MT4: variants seen among roughly 807,000 people sequenced by gnomAD.
The protein encoded by MT4 is metallothionein-4.
Under a neutral mutation model 9.5 loss-of-function variants are expected in MT4, and 11 were observed. That is an observed-to-expected ratio of 1.16 (90% CI 0.73 to 1.92). The LOEUF is 1.92. Ranked by LOEUF, MT4 falls within the 30% of genes most tolerant of loss-of-function variation. MT4 has a pLI of 0.00. For synonymous variants in MT4, 29 were observed against 24.6 expected, an observed-to-expected ratio of 1.18 and a Z score of -0.53; for missense variants, 88 against 78.7, an observed-to-expected ratio of 1.12 and a Z score of -0.45.
chr16:56,567,167 G>A (rs1959546612), intron 1 of MT4, among the ~76,000 whole-genome samples: 1 of 152,032 alleles, frequency 6.6e-6, no homozygotes. Context: ...GAGATTACAG[G>A]TGTGTGCCAC....
rs1437238508 is a variant in MT4, at chr16:56,565,159, G to C, written c.31G>C (p.Gly11Arg). 3.1e-6 allele frequency: 5 copies of C among 1,612,354 alleles called. No homozygotes were observed. The African/African-American group carries it at 5.3e-5, about 17-fold the overall frequency. ...CCCCAGGGAATGTGTCTGCATGTCT[G>C]GTGAGTAAAGAAGCCCTCCCTGGGG... MDPRECVCMS[G>R]GICMCGDNCK... Residue 11 changes from glycine to arginine, a missense_variant and splice_region_variant, in exon 1 of 3, where the codon GGA (glycine) becomes CGA (arginine). Gly to Arg is a moderately radical substitution (Grantham distance 125). Coordinates refer to ENST00000219162, the MANE Select transcript of MT4 (RefSeq NM_032935.3).
chr16:56,567,719 C>CA, intron 1 of MT4, 32 bp from the exon 2 acceptor site: 1 of 1,605,570 alleles, frequency 6.2e-7, no homozygotes, highest in Non-Finnish European at 8.5e-7. Context: ...TCTCCATCCT[C>CA]ACGTTTGTGG....
Position 56,568,260 on chromosome 16 carries a change from AG to A in MT4, c.97+445del, listed in dbSNP as rs1959573501. On this transcript the variant is annotated intron_variant, in intron 2 of 2. Coordinates refer to ENST00000219162, the MANE Select transcript of MT4 (RefSeq NM_032935.3). ...GAAAGAAAGAAAGAAAGAAAGAAAG[AG>A]AGAGAGAGAGAGAAAGAAAGAAAGA... is the stretch of plus-strand genomic sequence containing the variant. Among the ~76,000 whole-genome samples, 509 of 81,180 alleles carry A rather than the reference AG, an allele frequency of 6.3e-3. 2 individuals carry two copies. Among genetic ancestry groups the A allele is most frequent in the Middle Eastern group, 0.015 (3 of 198 alleles). The allele number at this position is 81,180 out of a possible 152,430, so 53.3% of individuals were successfully genotyped here.
chr16:56,568,278 A>AAAGAAAG (rs1959576890), intron 2 of MT4, among the ~76,000 whole-genome samples: 1 of 122,624 alleles, frequency 8.2e-6, no homozygotes, highest in Admixed American at 7.7e-5. Context: ...AGAGAGAAAG[A>AAAGAAAG]AAGAAAGAAA....
At chr16:56,566,823 G>GAAAGA (rs1959540118) in intron 1 of MT4, among the ~76,000 whole-genome samples, 5 of 80,086 alleles carry the variant, frequency 6.2e-5, no homozygotes, top group Admixed American at 4.1e-4. Context: ...AGAAAGAAAA[G>GAAAGA]AAAGAAAGAA....
rs1410311513 is a variant in MT4, at chr16:56,568,275, A to AGAG, written c.97+459_97+460insGAG. On this transcript the variant is annotated intron_variant, in intron 2 of 2. Coordinates refer to ENST00000219162, the MANE Select transcript of MT4 (RefSeq NM_032935.3). ...AGAAAGAAAGAGAGAGAGAGAGAGA[A>AGAG]AGAAAGAAAGAAAGAAAGAAAGAAA... Among the ~76,000 whole-genome samples, 9 of 93,594 alleles carry AGAG rather than the reference A, an allele frequency of 9.6e-5. 1 individual carries two copies. The East Asian group carries it at 1.9e-3, about 20-fold the overall frequency. The allele number at this position is 93,594 out of a possible 152,430, so 61.4% of individuals were successfully genotyped here. A position where few individuals can be genotyped will look rare whatever the true frequency, so the allele number is the denominator to read the frequency against.
intron 1 of MT4, among the ~76,000 whole-genome samples, chr16:56,565,857 A>G (rs1269970600): frequency 6.6e-6 from 1 of 152,162 alleles, no homozygotes; most frequent in African/African-American, 2.4e-5. Context: ...TGAGGCCAGG[A>G]GTTCAATACC....
In MT4 at chr16:56,568,271, G is replaced by GAAAGAAAGA. The variant is rs1349217551; in HGVS notation, c.97+456_97+457insAAGAAAGAA. 1.4e-3 allele frequency among the ~76,000 whole-genome samples: 81 copies of GAAAGAAAGA among 58,650 alleles called. 2 individuals carry two copies. The highest frequency in any genetic ancestry group is 4.0e-3 in the African/African-American group (70 of 17,658). 38.5% of individuals were successfully genotyped at this position (58,650 alleles called of 152,430 possible). A position where few individuals can be genotyped will look rare whatever the true frequency, so the allele number is the denominator to read the frequency against. The stretch of plus-strand genomic sequence containing the variant: ...AGAAAGAAAGAAAGAGAGAGAGAGA[G>GAAAGAAAGA]AGAAAGAAAGAAAGAAAGAAAGAAA... On this transcript the variant is annotated intron_variant, in intron 2 of 2. Transcript: ENST00000219162.
chr16:56,566,819 A>AAAAGAAAGAAAGAAAGAAAGAAAGAAAG (rs199947899), intron 1 of MT4, among the ~76,000 whole-genome samples: 2 of 52,532 alleles, frequency 3.8e-5, no homozygotes, highest in African/African-American at 1.3e-4. Context: ...AGAAAGAAAG[A>AAAAGAAAGAAAGAAAGAAAGAAAGAAAG]AAAGAAAGAA....
chr16:56,568,705 C>T (rs1182149950), intron 2 of MT4, 136 bp from the exon 3 acceptor site: 8 of 583,726 alleles, frequency 1.4e-5, no homozygotes, highest in African/African-American at 5.7e-5. Context: ...CCTCCTATCT[C>T]AGCATTTTTG....
At chr16:56,568,271 G>GAGAGAAAGAAAGAA (rs1567330643) in intron 2 of MT4, among the ~76,000 whole-genome samples, 5 of 58,640 alleles carry the variant, frequency 8.5e-5, no homozygotes, top group East Asian at 1.2e-3. Flanking sequence ...GAGAGAGAGA[G>GAGAGAAAGAAAGAA]AGAAAGAAAG....
chr16:56,568,301 G>GAA (rs1567330706), intron 2 of MT4, among the ~76,000 whole-genome samples: 2 of 146,502 alleles, frequency 1.4e-5, no homozygotes, highest in African/African-American at 2.6e-5. Context: ...AAGAAAGAAA[G>GAA]AAAGAAAGAA....
rs1230923429 is a variant in MT4, at chr16:56,568,923, C to A, written c.180C>A (p.Cys60Ter). The change falls in exon 3 of 3, where the codon TGC becomes TGA. Residue 60 changes from cysteine (C) to a stop codon, truncating the protein, a stop_gained. Coordinates refer to ENST00000219162, the MANE Select transcript of MT4 (RefSeq NM_032935.3). LOFTEE classifies it high-confidence loss of function. Reference protein sequence around the residue: ...ICKGGSDKCSCCP With the variant: ...ICKGGSDKCS The stretch of plus-strand genomic sequence containing the variant: ...AAGGAGGCTCAGACAAGTGCAGCTG[C>A]TGCCCATGAAAGCCATCCATCGTGC... 1.2e-6 allele frequency: 2 copies of A among 1,603,326 alleles called. No individual in the cohort carries two copies. Among genetic ancestry groups the A allele is most frequent in the African/African-American group, 1.3e-5 (1 of 74,792 alleles).
chr16:56,567,314 G>C (rs1255651728), intron 1 of MT4, among the ~76,000 whole-genome samples: 1 of 152,070 alleles, frequency 6.6e-6, no homozygotes, highest in Non-Finnish European at 1.5e-5. Context: ...GTGAGCCACT[G>C]TGCCTAGCCA....
At chr16:56,567,270 T>C (rs1404554044) in intron 1 of MT4, among the ~76,000 whole-genome samples, 1 of 151,998 alleles carries the variant, frequency 6.6e-6, no homozygotes, top group African/African-American at 2.4e-5. Context: ...GTGATTCACC[T>C]GTCTTGGCCT....
In MT4 at chr16:56,567,765, T is replaced by G; in HGVS notation, c.46T>G (p.Cys16Gly). Residue 16 changes from cysteine to glycine, a missense_variant, in exon 2 of 3, where the codon TGT (cysteine) becomes GGT (glycine). By Grantham distance (159) the Cys-to-Gly change is radical. Coordinates refer to ENST00000219162, the MANE Select transcript of MT4 (RefSeq NM_032935.3). Reference protein sequence around the residue: ...CVCMSGGICMCGDNCKCTTCN... With the variant: ...CVCMSGGICMGGDNCKCTTCN... ...CTGTCTTCTAGGAGGAATCTGCATG[T>G]GTGGAGACAACTGCAAATGCACAAC... is the stretch of plus-strand genomic sequence containing the variant. 1 of 1,613,434 alleles carries G rather than the reference T, an allele frequency of 6.2e-7. No homozygotes were observed. Among genetic ancestry groups the G allele is most frequent in the Non-Finnish European group, 8.5e-7 (1 of 1,179,468 alleles).
In MT4 at chr16:56,568,262, AGAGAGAGAG is replaced by A. The variant is rs1959574010; in HGVS notation, c.97+447_97+455del. On this transcript the variant is annotated intron_variant, in intron 2 of 2. Coordinates refer to ENST00000219162, the MANE Select transcript of MT4 (RefSeq NM_032935.3). ...AAGAAAGAAAGAAAGAAAGAAAGAG[AGAGAGAGAG>A]AGAAAGAAAGAAAGAAAGAAAGAAA... Among the ~76,000 whole-genome samples, 396 of 88,068 alleles carry A rather than the reference AGAGAGAGAG, an allele frequency of 4.5e-3. 2 individuals carry two copies. The highest frequency in any genetic ancestry group is 0.014 in the Middle Eastern group (3 of 210). 57.8% of individuals were successfully genotyped at this position (88,068 alleles called of 152,430 possible).
chr16:56,568,196 G>A (rs1006009511), intron 2 of MT4, among the ~76,000 whole-genome samples: 2 of 100,808 alleles, frequency 2.0e-5, no homozygotes, highest in African/African-American at 8.1e-5. Context: ...AGGAAGGAAG[G>A]AAGAGAGAGA....
intron 1 of MT4, among the ~76,000 whole-genome samples, chr16:56,565,903 AT>A (rs34372171): frequency 0.11 from 16,026 of 151,666 alleles, 980 homozygotes; most frequent in Non-Finnish European, 0.14. Context: ...ATGTCTACAA[AT>A]TTTTTTTAAA....
Sources: allele counts gnomAD v4.1 joint callset (sites outside exome capture counted in the v4.1 genomes callset), GRCh38; gene constraint gnomAD v4.1.1; transcripts MANE v1.5; gene names NCBI Gene and HGNC (gene_info 2026-07-23, HGNC 2026-07-21).